Variants in LMF1 observed in about 807,000 individuals in gnomAD.
The protein encoded by LMF1 is lipase maturation factor 1.
A neutral mutation model predicts 60.6 loss-of-function variants in LMF1; 68 were observed. The ratio of observed to expected loss-of-function variants is 1.12; its 90% CI spans 0.92 to 1.37. The LOEUF (loss-of-function observed/expected upper bound fraction) is 1.37. Ranked by LOEUF, LMF1 falls within the 40% of genes most tolerant of loss-of-function variation. The probability of loss-of-function intolerance (pLI) is 0.00; values close to 1 mark genes in which losing one functional copy is unlikely to be tolerated. For synonymous variants in LMF1, 418 were observed against 324.7 expected, an observed-to-expected ratio of 1.29 and a Z score of -3.09; for missense variants, 948 against 767.2, an observed-to-expected ratio of 1.24 and a Z score of -2.78.
chr16:882,079 C>T (rs1199563527), intron 5 of LMF1, among the ~76,000 whole-genome samples: 1 of 152,150 alleles, frequency 6.6e-6, no homozygotes, highest in Non-Finnish European at 1.5e-5. Context: ...CAGAACCTCA[C>T]CTGGGAAAGG....
chr16:853,641 G>GT lies in LMF1; in HGVS notation c.*890dup, dbSNP rs1157745805. On this transcript the variant is annotated 3_prime_UTR_variant, in exon 11 of 11. Coordinates refer to ENST00000262301, the MANE Select transcript of LMF1 (RefSeq NM_022773.4). ...CTTCATTTAAACAGTGTGTTTTCGA[G>GT]TAAGCTGGTAAGTGGTATAATAGGA... 2.2e-6 allele frequency: 1 copy of GT among 448,550 alleles called. No homozygotes were observed. The highest frequency in any genetic ancestry group is 2.4e-5 in the Admixed American group (1 of 42,474). 27.8% of individuals were successfully genotyped at this position (448,550 alleles called of 1,614,324 possible). A position where few individuals can be genotyped will look rare whatever the true frequency, so the allele number is the denominator to read the frequency against.
rs1239249985 is a variant in LMF1, at chr16:962,278, C to T, written c.194-7612G>A. 6.6e-6 allele frequency among the ~76,000 whole-genome samples: 1 copy of T among 152,172 alleles called. No homozygotes were observed. Among genetic ancestry groups the T allele is most frequent in the Non-Finnish European group, 1.5e-5 (1 of 68,048 alleles). On this transcript the variant is annotated intron_variant, in intron 1 of 10. Coordinates refer to ENST00000262301, the MANE Select transcript of LMF1 (RefSeq NM_022773.4). The surrounding 1 kb of genome is among the most constrained non-coding windows in gnomAD (Gnocchi z 4.5). ...ACGGTGACAGCACGGGATCACGACC[C>T]AGAGGGAAAATAAATGGGCGTGGGT... is the stretch of plus-strand genomic sequence containing the variant.
chr16:870,042 C>G lies in LMF1; in HGVS notation c.1257G>C (p.Val419=). Residue 419 remains valine (V), a synonymous_variant, in exon 9 of 11, where the codon GTG becomes GTC. Coordinates refer to ENST00000262301, the MANE Select transcript of LMF1 (RefSeq NM_022773.4). ...FGSITKERAE[V]ILQGTASSNA... is the part of the protein sequence containing the mutation. ...TGGAGCTGGCTGTGCCCTGCAGGAT[C>G]ACCTCCGCCCGCTCCTTGGTGATGC... The G allele has an allele frequency of 6.2e-7, 1 of 1,610,908 alleles. No homozygotes were observed. Among genetic ancestry groups the G allele is most frequent in the South Asian group, 1.1e-5 (1 of 91,074 alleles).
At chr16:882,894 C>G (rs915129534) in intron 5 of LMF1, among the ~76,000 whole-genome samples, 1 of 150,358 alleles carries the variant, frequency 6.7e-6, no homozygotes, top group African/African-American at 2.5e-5. Flanking sequence ...AGCCACCCAG[C>G]GGAGCCCATC....
intron 1 of LMF1, among the ~76,000 whole-genome samples, chr16:965,742 G>C (rs1390497835): frequency 6.6e-6 from 1 of 152,168 alleles, no homozygotes; most frequent in Non-Finnish European, 1.5e-5. Flanking sequence ...GAGGGCTGTG[G>C]CAGTATCTGT....
At chr16:889,863 C>T (rs990638298) in intron 5 of LMF1, among the ~76,000 whole-genome samples, 4 of 152,160 alleles carry the variant, frequency 2.6e-5, no homozygotes, top group South Asian at 2.1e-4. Flanking sequence ...GGAGCATCCT[C>T]GTCCGAGACA....
intron 4 of LMF1, among the ~76,000 whole-genome samples, chr16:894,389 C>A (rs1220334688): frequency 1.4e-5 from 2 of 147,868 alleles, no homozygotes; most frequent in Non-Finnish European, 3.0e-5. Context: ...CATCCGCCCA[C>A]CTGTCCCCTG....
intron 10 of LMF1, chr16:855,683 C>T: frequency 2.2e-6 from 1 of 455,838 alleles, no homozygotes; most frequent in South Asian, 1.5e-5. Flanking sequence ...GAGCTGGGCC[C>T]CAGCTGCCCG....
At chr16:951,719 A>C (rs1485322311) in intron 2 of LMF1, among the ~76,000 whole-genome samples, 1 of 152,234 alleles carries the variant, frequency 6.6e-6, no homozygotes, top group Admixed American at 6.5e-5. Context: ...AGGTGGGCTC[A>C]TGACTCCTGC....
chr16:936,703 A>G (rs2071957888), intron 2 of LMF1, among the ~76,000 whole-genome samples: 1 of 152,260 alleles, frequency 6.6e-6, no homozygotes, highest in African/African-American at 2.4e-5. Flanking sequence ...CACATTGGCT[A>G]ATGCTAGAAA....
At chr16:889,414 A>G (rs545018818) in intron 5 of LMF1, among the ~76,000 whole-genome samples, 58 of 149,408 alleles carry the variant, frequency 3.9e-4, no homozygotes, top group African/African-American at 1.4e-3. Flanking sequence ...GTGGATGGCC[A>G]TGGTGGAGCA....
At chr16:892,088 G>A (rs562871257) in intron 5 of LMF1, among the ~76,000 whole-genome samples, 33 of 152,348 alleles carry the variant, frequency 2.2e-4, no homozygotes, top group Non-Finnish European at 4.1e-4. Context: ...CCGGCACGTG[G>A]ACCAAGACCC....
At chr16:966,198 C>T (rs966310468) in intron 1 of LMF1, among the ~76,000 whole-genome samples, 2 of 152,212 alleles carry the variant, frequency 1.3e-5, no homozygotes, top group East Asian at 3.9e-4. Context: ...GGCGGGGACA[C>T]AGCGGGAGCA....
chr16:938,122 G>T (rs773449322), intron 2 of LMF1, among the ~76,000 whole-genome samples: 106 of 152,240 alleles, frequency 7.0e-4, no homozygotes, highest in Non-Finnish European at 1.2e-3. Context: ...CGCAGGAGAG[G>T]GGGTGGAGCA....
chr16:940,519 A>G (rs4984729), intron 2 of LMF1, among the ~76,000 whole-genome samples: 72,446 of 152,136 alleles, frequency 0.48, 18,908 homozygotes, highest in African/African-American at 0.69. Flanking sequence ...GAGGAACACC[A>G]TTTATTTAAA....
At chr16:948,512 AG>A in intron 2 of LMF1, among the ~76,000 whole-genome samples, 1 of 152,038 alleles carries the variant, frequency 6.6e-6, no homozygotes, top group Non-Finnish European at 1.5e-5. Flanking sequence ...CCAACGACAG[AG>A]TCAGAGCCAA....
At chr16:895,056 G>C (rs534897226) in intron 4 of LMF1, among the ~76,000 whole-genome samples, 3 of 152,168 alleles carry the variant, frequency 2.0e-5, no homozygotes, top group Admixed American at 6.5e-5. Context: ...AGGAGGCCGC[G>C]GGGGGAGGCC....
intron 3 of LMF1, among the ~76,000 whole-genome samples, chr16:925,142 C>G (rs564462747): frequency 6.6e-6 from 1 of 152,378 alleles, no homozygotes; most frequent in African/African-American, 2.4e-5. Flanking sequence ...CCCTTGCTCA[C>G]TGTCACTGTC....
At chr16:951,687 A>G (rs2072472415) in intron 2 of LMF1, among the ~76,000 whole-genome samples, 3 of 152,224 alleles carry the variant, frequency 2.0e-5, no homozygotes, top group Admixed American at 2.0e-4. Flanking sequence ...ATAAATGGGG[A>G]GCAGAGAGAA....
Sources: allele counts gnomAD v4.1 joint callset (sites outside exome capture counted in the v4.1 genomes callset), GRCh38; gene constraint gnomAD v4.1.1; non-coding constraint Gnocchi (gnomAD v3.1); transcripts MANE v1.5; gene names NCBI Gene and HGNC (gene_info 2026-07-23, HGNC 2026-07-21).